ZNF804A: variants seen among roughly 807,000 people sequenced by gnomAD.
ZNF804A encodes the protein zinc finger protein 804A.
In ZNF804A, 2 loss-of-function variants were observed where a neutral mutation model predicts 16.5. That is an observed-to-expected ratio of 0.12 (90% CI 0.05 to 0.38). The LOEUF is 0.38. Among genes scored for constraint, ZNF804A ranks in the 10% least tolerant of loss-of-function variants. The pLI is 0.99. For missense variants in ZNF804A, 1,473 were observed against 1,390.7 expected, an observed-to-expected ratio of 1.06 and a Z score of -0.94; for synonymous variants, 534 against 489.6, an observed-to-expected ratio of 1.09 and a Z score of -1.20.
chr2:184,607,044 C>A (rs1194875354), intron 1 of ZNF804A, among the ~76,000 whole-genome samples: 1 of 152,080 alleles, frequency 6.6e-6, no homozygotes, highest in African/African-American at 2.4e-5. Flanking sequence ...ATTGATAGAG[C>A]TGATTGTGAA....
At chr2:184,844,270 A>G (rs959798745) in intron 1 of ZNF804A, among the ~76,000 whole-genome samples, 1 of 152,074 alleles carries the variant, frequency 6.6e-6, no homozygotes, top group Non-Finnish European at 1.5e-5. Context: ...CTTAAAACAA[A>G]GTTAATTTTT....
intron 1 of ZNF804A, among the ~76,000 whole-genome samples, chr2:184,599,826 C>G (rs1214287679): frequency 1.3e-5 from 2 of 152,160 alleles, no homozygotes; most frequent in Non-Finnish European, 2.9e-5. Context: ...AGAAGATGTA[C>G]TGAGCATTGA....
At chr2:184,724,694 C>T (rs1366023550) in intron 1 of ZNF804A, among the ~76,000 whole-genome samples, 2 of 151,674 alleles carry the variant, frequency 1.3e-5, no homozygotes, top group Non-Finnish European at 3.0e-5. Context: ...ATATTCTACT[C>T]TGAGTCCACC....
intron 1 of ZNF804A, among the ~76,000 whole-genome samples, chr2:184,790,655 G>A (rs531773465): frequency 1.3e-5 from 2 of 152,162 alleles, no homozygotes; most frequent in East Asian, 3.9e-4. Flanking sequence ...CCAGGCTGGA[G>A]TTCAGTGGAG....
chr2:184,787,390 T>C (rs1574212358), intron 1 of ZNF804A, among the ~76,000 whole-genome samples: 1 of 147,178 alleles, frequency 6.8e-6, no homozygotes, highest in East Asian at 1.9e-4. Context: ...GACTGCTATG[T>C]TGAATAGTAG....
chr2:184,935,082 T>G (rs1366893387), intron 3 of ZNF804A, among the ~76,000 whole-genome samples: 2 of 152,158 alleles, frequency 1.3e-5, no homozygotes, highest in Non-Finnish European at 2.9e-5. Context: ...GTATAGTTCT[T>G]TTCATCAGAA....
In ZNF804A at chr2:184,890,183, ACTT is replaced by A. The variant is rs1288235974; in HGVS notation, c.255+23675_255+23677del. 3.9e-5 allele frequency among the ~76,000 whole-genome samples: 6 copies of A among 151,946 alleles called. No homozygotes were observed. In the South Asian group the frequency reaches 8.3e-4, roughly 21 times the overall value. On this transcript the variant is annotated intron_variant, in intron 2 of 3. Coordinates refer to ENST00000302277, the MANE Select transcript of ZNF804A (RefSeq NM_194250.2). The stretch of plus-strand genomic sequence containing the variant: ...AAATCCTCCACACAAGGTTAAAAAA[ACTT>A]CTTTTTATAGCTGACTGGTAATTTT...
intron 2 of ZNF804A, among the ~76,000 whole-genome samples, chr2:184,930,454 A>G (rs1685679773): frequency 6.6e-6 from 1 of 152,232 alleles, no homozygotes; most frequent in Non-Finnish European, 1.5e-5. Context: ...AGTGCAAATG[A>G]GCATTCTTGA....
At chr2:184,775,285 A>T (rs1694270099) in intron 1 of ZNF804A, among the ~76,000 whole-genome samples, 2 of 151,704 alleles carry the variant, frequency 1.3e-5, no homozygotes, top group South Asian at 4.1e-4. Flanking sequence ...TGACTTTATG[A>T]CTATCTTAAA....
intron 1 of ZNF804A, among the ~76,000 whole-genome samples, chr2:184,767,015 G>A (rs1441605347): frequency 2.0e-5 from 3 of 152,160 alleles, no homozygotes; most frequent in East Asian, 3.9e-4. Flanking sequence ...AAAAGGCCAT[G>A]TGAGGACACA....
At chr2:184,656,440 G>A (rs1692075797) in intron 1 of ZNF804A, among the ~76,000 whole-genome samples, 1 of 152,092 alleles carries the variant, frequency 6.6e-6, no homozygotes, top group Non-Finnish European at 1.5e-5. Context: ...CCTACCATCT[G>A]TGTGGCATGT....
chr2:184,905,219 T>C (rs1295269806), intron 2 of ZNF804A, among the ~76,000 whole-genome samples: 1 of 152,094 alleles, frequency 6.6e-6, no homozygotes, highest in Non-Finnish European at 1.5e-5. Flanking sequence ...TAAAAGACAC[T>C]ATCCCTGCTG....
intron 2 of ZNF804A, among the ~76,000 whole-genome samples, chr2:184,901,743 A>T (rs530555775): frequency 1.8e-4 from 27 of 152,170 alleles, no homozygotes; most frequent in Admixed American, 2.0e-4. Flanking sequence ...ATAATCTAGG[A>T]GGTAATGCAT....
chr2:184,675,335 T>A (rs1014444759), intron 1 of ZNF804A, among the ~76,000 whole-genome samples: 1 of 151,804 alleles, frequency 6.6e-6, no homozygotes, highest in Admixed American at 6.6e-5. Flanking sequence ...TATTGTCATA[T>A]CTCCACAATA....
intron 1 of ZNF804A, among the ~76,000 whole-genome samples, chr2:184,699,655 A>C (rs1019321948): frequency 6.6e-6 from 1 of 152,118 alleles, no homozygotes; most frequent in Non-Finnish European, 1.5e-5. Flanking sequence ...TGTCATATAA[A>C]ATATTTTCAT....
chr2:184,744,266 C>T (rs983643165), intron 1 of ZNF804A, among the ~76,000 whole-genome samples: 1 of 151,926 alleles, frequency 6.6e-6, no homozygotes, highest in Non-Finnish European at 1.5e-5. Context: ...CAACACATTG[C>T]AATTATTTTG....
intron 2 of ZNF804A, among the ~76,000 whole-genome samples, chr2:184,931,758 G>T (rs1045918502): frequency 3.3e-5 from 5 of 152,074 alleles, no homozygotes; most frequent in Non-Finnish European, 7.4e-5. Flanking sequence ...CAGAAAATGG[G>T]TTTTTCTTTT....
chr2:184,604,674 T>C (rs900656996), intron 1 of ZNF804A, among the ~76,000 whole-genome samples: 2 of 152,216 alleles, frequency 1.3e-5, no homozygotes, highest in African/African-American at 4.8e-5. Context: ...TCTGTTGCTA[T>C]GTAGGCTATT....
intron 1 of ZNF804A, among the ~76,000 whole-genome samples, chr2:184,615,969 C>T: frequency 6.6e-6 from 1 of 152,216 alleles, no homozygotes; most frequent in South Asian, 2.1e-4. Flanking sequence ...CAGAACTTGG[C>T]CCAAGCATTG....
Sources: gnomAD v4.1 joint callset for allele counts (sites outside exome capture counted in the v4.1 genomes callset) on GRCh38, gnomAD v4.1.1 for gene constraint, MANE v1.5 for transcripts, NCBI Gene and HGNC (gene_info 2026-07-23, HGNC 2026-07-21) for gene names.